The following NALF1 variants were observed in gnomAD, a reference collection of about 807,000 sequenced individuals.
NALF1 encodes family with sequence similarity 155 member A.
Under a neutral mutation model 48.4 loss-of-function variants are expected in NALF1, and 3 were observed. That is an observed-to-expected ratio of 0.06 (90% confidence interval 0.03 to 0.16). The LOEUF (loss-of-function observed/expected upper bound fraction) is 0.16, where lower values mean the gene tolerates loss of function less well. Among genes scored for constraint, NALF1 ranks in the 10% least tolerant of loss-of-function variants. NALF1 has a pLI of 1.00. For synonymous variants in NALF1, 262 were observed against 245.7 expected (o/e 1.07, Z -0.62); for missense variants, 526 against 571.5 (o/e 0.92, Z 0.81).
In NALF1 at chr13:107,825,552, G is replaced by A. The variant is rs1003206557; in HGVS notation, c.915+40130C>T. Among the ~76,000 whole-genome samples, 8 of 152,242 alleles carry A rather than the reference G, an allele frequency of 5.3e-5. No individual in the cohort carries two copies. The South Asian group carries it at 1.0e-3, about 20-fold the overall frequency. ...AAAAAGCACTTCACAGAGAGCATTCGCTCAATAACTGCTGGAAATATTATT... is the reference window on the plus strand; with the variant it reads ...AAAAAGCACTTCACAGAGAGCATTCACTCAATAACTGCTGGAAATATTATT... On this transcript the variant is annotated intron_variant, in intron 1 of 2. Coordinates refer to ENST00000375915, the MANE Select transcript of NALF1 (RefSeq NM_001080396.3).
intron 1 of NALF1, among the ~76,000 whole-genome samples, chr13:107,406,941 T>C (rs1439872957): frequency 6.6e-6 from 1 of 151,902 alleles, no homozygotes. Flanking sequence ...TGAAATAGAA[T>C]AGTGAACACA....
chr13:107,595,883 G>C (rs1402538635), intron 1 of NALF1, among the ~76,000 whole-genome samples: 1 of 152,052 alleles, frequency 6.6e-6, no homozygotes, highest in Non-Finnish European at 1.5e-5. Flanking sequence ...GCCCCTTACT[G>C]GCATAGTGTA....
intron 1 of NALF1, among the ~76,000 whole-genome samples, chr13:107,399,489 T>A (rs1883768094): frequency 6.6e-6 from 1 of 151,810 alleles, no homozygotes; most frequent in South Asian, 2.1e-4. Context: ...AAGAAATCAA[T>A]CCAGTTAATG....
intron 1 of NALF1, among the ~76,000 whole-genome samples, chr13:107,618,279 T>C (rs563874340): frequency 1.4e-4 from 22 of 152,260 alleles, no homozygotes; most frequent in African/African-American, 4.8e-4. Flanking sequence ...AAACAGGAAC[T>C]GTTCAAGGCA....
chr13:107,730,723 A>G (rs1163498683), intron 1 of NALF1, among the ~76,000 whole-genome samples: 1 of 152,228 alleles, frequency 6.6e-6, no homozygotes, highest in Non-Finnish European at 1.5e-5. Context: ...TTATGACTGC[A>G]TGGACTTAGG....
intron 1 of NALF1, among the ~76,000 whole-genome samples, chr13:107,673,176 T>A (rs1000303398): frequency 1.3e-5 from 2 of 152,208 alleles, no homozygotes; most frequent in African/African-American, 2.4e-5. Flanking sequence ...CTTATTACTA[T>A]GACTCCTTTT....
chr13:107,409,491 C>T (rs538121743), intron 1 of NALF1, among the ~76,000 whole-genome samples: 2 of 152,118 alleles, frequency 1.3e-5, no homozygotes, highest in African/African-American at 2.4e-5. Context: ...CTATGGAAGA[C>T]GAATGGGTGT....
rs3893126 is a variant in NALF1, at chr13:107,716,991, T to C, written c.915+148691A>G. On this transcript the variant is annotated intron_variant, in intron 1 of 2. Coordinates refer to ENST00000375915, the MANE Select transcript of NALF1 (RefSeq NM_001080396.3). ...TCAGAGTTGGGAGTAAACTTAAAGA[T>C]CATCTCTTCCAACTGCATACCCATG... Among the ~76,000 whole-genome samples, 1,299 of 152,266 alleles carry C rather than the reference T, an allele frequency of 8.5e-3. 19 individuals are homozygous for C. The highest frequency in any genetic ancestry group is 0.03 in the African/African-American group (1,237 of 41,548).
At chr13:107,790,367 G>A (rs1216511978) in intron 1 of NALF1, among the ~76,000 whole-genome samples, 1 of 152,132 alleles carries the variant, frequency 6.6e-6, no homozygotes, top group African/African-American at 2.4e-5. Flanking sequence ...AGCATAAAGG[G>A]TGGATACTAA....
In NALF1 at chr13:107,676,418, T is replaced by C. The variant is rs562180063; in HGVS notation, c.915+189264A>G. On this transcript the variant is annotated intron_variant, in intron 1 of 2. Coordinates refer to ENST00000375915, the MANE Select transcript of NALF1 (RefSeq NM_001080396.3). ...ATCCACAGCATGCTTCCTTTAGGCA[T>C]AGGACATAGTATAAAAATATGTGGC... Among the ~76,000 whole-genome samples the C allele has an allele frequency of 1.1e-4, 16 of 152,206 alleles. No homozygotes were observed. The South Asian group carries it at 3.1e-3, about 30-fold the overall frequency.
Position 107,284,489 on chromosome 13 carries a change from C to G in NALF1, c.916-73734G>C, listed in dbSNP as rs1005226508. On this transcript the variant is annotated intron_variant, in intron 1 of 2. Transcript: ENST00000375915. ...CCAGGAACAAAGAACTAAAAAGAAC[C>G]AGGAAACAATGTGTGAAAAAAACTA... Among the ~76,000 whole-genome samples, 8 of 152,044 alleles carry G rather than the reference C, an allele frequency of 5.3e-5. No homozygotes were observed. In the East Asian group the frequency reaches 1.3e-3, roughly 26 times the overall value.
At chr13:107,180,874 A>C (rs1440950612) in intron 2 of NALF1, among the ~76,000 whole-genome samples, 37 of 151,792 alleles carry the variant, frequency 2.4e-4, no homozygotes, top group Admixed American at 2.4e-3. Flanking sequence ...CATTGTGGAT[A>C]ATGTTTCCTA....
At chr13:107,245,012 T>C (rs1880551827) in intron 1 of NALF1, among the ~76,000 whole-genome samples, 1 of 152,216 alleles carries the variant, frequency 6.6e-6, no homozygotes, top group African/African-American at 2.4e-5. Context: ...CATTTTTCAA[T>C]TTAACACTAA....
At chr13:107,414,759 C>A (rs143371108) in intron 1 of NALF1, among the ~76,000 whole-genome samples, 269 of 151,888 alleles carry the variant, frequency 1.8e-3, no homozygotes, top group African/African-American at 5.8e-3. Flanking sequence ...ATAAAATTTA[C>A]TTCTAAATCT....
At position 107,816,904 on chromosome 13, in the gene NALF1, C is replaced by T. The variant is rs188968005; in HGVS notation, c.915+48778G>A. On this transcript the variant is annotated intron_variant, in intron 1 of 2. Coordinates refer to ENST00000375915, the MANE Select transcript of NALF1 (RefSeq NM_001080396.3). ...CGTAGGTCTGCCAATCAAGCAAATA[C>T]ATTCACAAGTAGCACTTCCAACTTC... 3.3e-4 allele frequency among the ~76,000 whole-genome samples: 50 copies of T among 152,262 alleles called. No homozygotes were observed. The Middle Eastern group carries it at 0.01, about 31-fold the overall frequency.
intron 1 of NALF1, among the ~76,000 whole-genome samples, chr13:107,729,926 A>T (rs1876261495): frequency 6.6e-6 from 1 of 152,238 alleles, no homozygotes. Context: ...TCTACCAAAA[A>T]TATTTATTGA....
chr13:107,230,499 CATT>C (rs780422572), intron 1 of NALF1, among the ~76,000 whole-genome samples: 5 of 151,946 alleles, frequency 3.3e-5, no homozygotes, highest in East Asian at 1.9e-4. Context: ...CATCCATCCT[CATT>C]ATTATTATTA....
chr13:107,728,005 G>A (rs1876207059), intron 1 of NALF1, among the ~76,000 whole-genome samples: 1 of 152,186 alleles, frequency 6.6e-6, no homozygotes, highest in Admixed American at 6.5e-5. Flanking sequence ...ATGCCAGTTA[G>A]AACGGTGATC....
At chr13:107,849,571 G>A (rs908127526) in intron 1 of NALF1, among the ~76,000 whole-genome samples, 32 of 152,216 alleles carry the variant, frequency 2.1e-4, no homozygotes, top group Admixed American at 1.4e-3. Context: ...CAGTGTGCTG[G>A]CCTTGGGCTA....
Sources: allele counts gnomAD v4.1 joint callset (sites outside exome capture counted in the v4.1 genomes callset), GRCh38; gene constraint gnomAD v4.1.1; transcripts MANE v1.5; gene names NCBI Gene and HGNC (gene_info 2026-07-23, HGNC 2026-07-21).